The following PRMT3 variants were observed in gnomAD, a reference collection of about 807,000 sequenced individuals.
PRMT3 encodes protein arginine methyltransferase 3, also known as protein arginine N-methyltransferase 3.
A neutral mutation model predicts 71.9 loss-of-function variants in PRMT3; 62 were observed. The observed-to-expected ratio is 0.86, with a 90% CI of 0.70 to 1.07. The LOEUF (loss-of-function observed/expected upper bound fraction) is 1.07. Ranked by LOEUF, PRMT3 falls within the 50% of genes least tolerant of loss-of-function variation. The pLI is 0.00. For synonymous variants in PRMT3, 213 were observed against 220.4 expected, an observed-to-expected ratio of 0.97 and a Z score of 0.30; for missense variants, 663 against 643.0, an observed-to-expected ratio of 1.03 and a Z score of -0.34.
chr11:20,426,652 T>C, intron 9 of PRMT3, 114 bp from the exon 10 acceptor site: 11 of 1,099,432 alleles, frequency 1.0e-5, no homozygotes, highest in Non-Finnish European at 1.3e-5. Context: ...TAAGCTTTGA[T>C]TGAAATACTT....
At chr11:20,389,957 G>A (rs2403591) in intron 3 of PRMT3, 131 bp downstream of exon 3, 502,730 of 595,180 alleles carry the variant, frequency 0.84, 220,967 homozygotes, top group Non-Finnish European at 0.93. Flanking sequence ...TTCAAGACCA[G>A]CCTGGCCAAC....
chr11:20,462,104 T>C lies in PRMT3; in HGVS notation c.1197T>C (p.Ile399=), dbSNP rs34565672. The change falls in exon 12 of 16, where the codon ATT becomes ATC. Residue 399 remains isoleucine, a synonymous_variant. Coordinates refer to ENST00000331079, the MANE Select transcript of PRMT3 (RefSeq NM_005788.4). ...FKMSCMKKAV[I]PEAVVEVLDP... is the part of the protein sequence containing the mutation. ...TGTCCTGCATGAAGAAAGCAGTTAT[T>C]CCAGAAGCTGTTGTGGAAGTTTTAG... 0.023 allele frequency: 37,573 copies of C among 1,612,990 alleles called. 561 individuals carry two copies. The highest frequency in any genetic ancestry group is 0.041 in the South Asian group (3,710 of 90,902).
chr11:20,463,725 T>C (rs1439959601), intron 12 of PRMT3, among the ~76,000 whole-genome samples: 1 of 152,218 alleles, frequency 6.6e-6, no homozygotes, highest in East Asian at 1.9e-4. Context: ...CACTGGGTTA[T>C]GATCTACTCC....
intron 9 of PRMT3, among the ~76,000 whole-genome samples, chr11:20,425,438 T>C (rs1237045676): frequency 6.6e-6 from 1 of 152,232 alleles, no homozygotes; most frequent in Non-Finnish European, 1.5e-5. Flanking sequence ...ATTCTGCTTA[T>C]ACACAGATGT....
At chr11:20,395,533 A>C (rs1165789460) in intron 5 of PRMT3, among the ~76,000 whole-genome samples, 8 of 148,370 alleles carry the variant, frequency 5.4e-5, no homozygotes, top group Admixed American at 5.4e-4. Flanking sequence ...TTTTTTTTTT[A>C]GTAGAGATAA....
rs531185022 is a variant in PRMT3 at position 20,450,411 on chromosome 11, A to T, written c.994-1719A>T. ...ATTTGTGTGTGAAATCTGCGTGAAT[A>T]TGTCAGATTGGTAAAGATTTCTTAG... On this transcript the variant is annotated intron_variant, in intron 10 of 15. Transcript: ENST00000331079. 7.9e-5 allele frequency among the ~76,000 whole-genome samples: 12 copies of T among 152,308 alleles called. No homozygotes were observed. In the South Asian group the frequency reaches 2.5e-3, roughly 32 times the overall value.
rs772605780 is a variant in PRMT3, at chr11:20,397,721, G to C, written c.705G>C (p.Lys235Asn). Residue 235 changes from lysine (K) to asparagine (N), a missense_variant and splice_region_variant, in exon 7 of 16, where the codon AAG (lysine) becomes AAC (asparagine). Transcript: ENST00000331079. ...ATGGGATACATGAAGAAATGCTAAA[G>C]GTTAGAAAAGAACACAAATGCGTCA... ...GHYGIHEEML[K>N]DKIRTESYRD... is the part of the protein sequence containing the mutation. 1.2e-6 allele frequency: 2 copies of C among 1,612,792 alleles called. No homozygotes were observed.
chr11:20,434,962 T>C (rs563573837), intron 10 of PRMT3, among the ~76,000 whole-genome samples: 12 of 152,344 alleles, frequency 7.9e-5, no homozygotes, highest in Admixed American at 6.5e-4. Flanking sequence ...AATCTATACA[T>C]TGCTTTGGGC....
At chr11:20,451,151 G>C (rs1389518227) in intron 10 of PRMT3, among the ~76,000 whole-genome samples, 1 of 152,022 alleles carries the variant, frequency 6.6e-6, no homozygotes, top group Non-Finnish European at 1.5e-5. Context: ...CACCAGTAGT[G>C]GCAAATTCTT....
At position 20,407,949 on chromosome 11, in the gene PRMT3, T is replaced by TA; in HGVS notation, c.811dup (p.Met271AsnfsTer5). On this transcript the variant is annotated frameshift_variant, in exon 9 of 16. Transcript: ENST00000331079. LOFTEE classifies it high-confidence loss of function. The stretch of plus-strand genomic sequence containing the variant: ...TTGGGTGTGGAACTGGAATTCTCTC[T>TA]ATGTTTGCTGCTAAAGCTGGGGCGA... 1 of 1,611,302 alleles carries TA rather than the reference T, an allele frequency of 6.2e-7. No homozygotes were observed. Among genetic ancestry groups the TA allele is most frequent in the Non-Finnish European group, 8.5e-7 (1 of 1,177,582 alleles).
intron 8 of PRMT3, chr11:20,407,119 C>A (rs1285442640): frequency 6.6e-6 from 1 of 152,188 alleles, no homozygotes; most frequent in Non-Finnish European, 1.5e-5. Flanking sequence ...GTGCTGCCAG[C>A]TTGTCTTTGG....
intron 9 of PRMT3, 120 bp from the exon 10 acceptor site, chr11:20,426,646 C>T (rs1849552148): frequency 2.8e-6 from 3 of 1,066,644 alleles, no homozygotes; most frequent in African/African-American, 3.3e-5. Flanking sequence ...AACAACTAAG[C>T]TTTGATTGAA....
chr11:20,422,235 T>C (rs1225973330), intron 9 of PRMT3, among the ~76,000 whole-genome samples: 3 of 152,218 alleles, frequency 2.0e-5, no homozygotes, highest in Non-Finnish European at 4.4e-5. Context: ...GTTGAGAGTT[T>C]ATGCCAACAG....
chr11:20,412,103 C>T (rs911401058), intron 9 of PRMT3, among the ~76,000 whole-genome samples: 9 of 152,070 alleles, frequency 5.9e-5, no homozygotes, highest in African/African-American at 2.2e-4. Context: ...AGCTTGTACT[C>T]TAGTTGCTTG....
At chr11:20,458,733 A>T (rs1850320860) in intron 11 of PRMT3, among the ~76,000 whole-genome samples, 1 of 152,216 alleles carries the variant, frequency 6.6e-6, no homozygotes, top group African/African-American at 2.4e-5. Flanking sequence ...AAGATTAAAA[A>T]TAATTTTATT....
intron 15 of PRMT3, among the ~76,000 whole-genome samples, chr11:20,506,332 TAATATA>T (rs1443093694): frequency 6.6e-6 from 1 of 152,226 alleles, no homozygotes; most frequent in Non-Finnish European, 1.5e-5. Context: ...ATCATTTTCT[TAATATA>T]GAGGAATAGG....
intron 11 of PRMT3, among the ~76,000 whole-genome samples, chr11:20,456,683 G>A (rs1850274187): frequency 6.6e-6 from 1 of 151,906 alleles, no homozygotes; most frequent in African/African-American, 2.4e-5. Flanking sequence ...ATGTGGCAGG[G>A]GGGAGTTTAA....
Position 20,452,114 on chromosome 11 carries a change from C to G in PRMT3, c.994-16C>G. 1 of 1,566,522 alleles carries G rather than the reference C, an allele frequency of 6.4e-7. No homozygotes were observed. Among genetic ancestry groups the G allele is most frequent in the Non-Finnish European group, 8.8e-7 (1 of 1,139,108 alleles). ...TGCACATTTCTAAACTCTTTTTTTC[C>G]CCTTTTTTTATGCAGGGCTATTTTC... On this transcript the variant is annotated splice_polypyrimidine_tract_variant and intron_variant, in intron 10 of 15. Transcript: ENST00000331079.
chr11:20,415,129 T>C (rs1263051813), intron 9 of PRMT3, among the ~76,000 whole-genome samples: 2 of 151,948 alleles, frequency 1.3e-5, no homozygotes, highest in Non-Finnish European at 2.9e-5. Context: ...ATTTTGTTTC[T>C]AAGTTTAATA....
Sources: gnomAD v4.1 joint callset for allele counts (sites outside exome capture counted in the v4.1 genomes callset) on GRCh38, gnomAD v4.1.1 for gene constraint, MANE v1.5 for transcripts, NCBI Gene and HGNC (gene_info 2026-07-23, HGNC 2026-07-21) for gene names.